Variants in EIF4EBP1 observed in about 807,000 individuals in gnomAD.
EIF4EBP1 encodes eukaryotic translation initiation factor 4E binding protein 1.
Under a neutral mutation model 9.2 loss-of-function variants are expected in EIF4EBP1, and 5 were observed. The observed-to-expected ratio is 0.54, with a 90% CI of 0.28 to 1.14. The LOEUF (loss-of-function observed/expected upper bound fraction) is 1.14, where lower values mean the gene tolerates loss of function less well. Ranked by LOEUF, EIF4EBP1 falls within the 50% of genes most tolerant of loss-of-function variation. The probability of loss-of-function intolerance (pLI) is 0.09; values close to 1 mark genes in which losing one functional copy is unlikely to be tolerated. For synonymous variants in EIF4EBP1, 62 were observed against 67.0 expected (o/e 0.93, Z 0.36); for missense variants, 139 against 169.6 (o/e 0.82, Z 1.00).
At chr8:38,039,761 CT>C (rs1477505913) in intron 1 of EIF4EBP1, among the ~76,000 whole-genome samples, 1 of 152,128 alleles carries the variant, frequency 6.6e-6, no homozygotes, top group Non-Finnish European at 1.5e-5. Flanking sequence ...TTGGGACATA[CT>C]TCATTTTAAG....
At chr8:38,042,357 C>A (rs1809393887) in intron 1 of EIF4EBP1, among the ~76,000 whole-genome samples, 1 of 152,136 alleles carries the variant, frequency 6.6e-6, no homozygotes, top group South Asian at 2.1e-4. Context: ...CCTTAAGGAG[C>A]ATGTGTGTGA....
chr8:38,032,048 G>C (rs1370361370), intron 1 of EIF4EBP1, among the ~76,000 whole-genome samples: 1 of 152,190 alleles, frequency 6.6e-6, no homozygotes, highest in Non-Finnish European at 1.5e-5. Context: ...TGTCACAATG[G>C]TCTACCAGGA....
At chr8:38,054,012 A>G (rs1251098959) in intron 1 of EIF4EBP1, among the ~76,000 whole-genome samples, 1 of 152,186 alleles carries the variant, frequency 6.6e-6, no homozygotes, top group Middle Eastern at 3.2e-3. Context: ...AAGATGGTCA[A>G]TGTTATGTGT....
At chr8:38,046,898 G>C (rs1363490890) in intron 1 of EIF4EBP1, among the ~76,000 whole-genome samples, 1 of 152,156 alleles carries the variant, frequency 6.6e-6, no homozygotes, top group Non-Finnish European at 1.5e-5. Context: ...CAACGGGCTG[G>C]ATCCCAGCTA....
chr8:38,057,445 C>A (rs1419511116), intron 2 of EIF4EBP1, among the ~76,000 whole-genome samples, 185 bp downstream of exon 2: 1 of 152,174 alleles, frequency 6.6e-6, no homozygotes, highest in African/African-American at 2.4e-5. Flanking sequence ...TCATTGGTAG[C>A]AACTTTCCCC....
chr8:38,058,145 T>C (rs987321268), intron 2 of EIF4EBP1, among the ~76,000 whole-genome samples: 1 of 152,200 alleles, frequency 6.6e-6, no homozygotes, highest in African/African-American at 2.4e-5. Flanking sequence ...CAGACAATAG[T>C]TGCCTGTGTC....
chr8:38,058,783 C>T (rs1017709333), intron 2 of EIF4EBP1, among the ~76,000 whole-genome samples: 1 of 152,132 alleles, frequency 6.6e-6, no homozygotes, highest in African/African-American at 2.4e-5. Context: ...GTCCCTGGCC[C>T]CTAAAAACAT....
At chr8:38,046,311 C>T (rs1232457022) in intron 1 of EIF4EBP1, among the ~76,000 whole-genome samples, 1 of 152,062 alleles carries the variant, frequency 6.6e-6, no homozygotes, top group Non-Finnish European at 1.5e-5. Context: ...AAACTACTGT[C>T]ACCACAAAGC....
intron 1 of EIF4EBP1, 111 bp from the exon 2 acceptor site, chr8:38,056,970 G>A: frequency 2.5e-6 from 3 of 1,202,590 alleles, no homozygotes; most frequent in Non-Finnish European, 3.6e-6. Flanking sequence ...GCCTCCTCTG[G>A]GTTTTTCAGG....
intron 1 of EIF4EBP1, among the ~76,000 whole-genome samples, chr8:38,038,665 GC>G (rs1563414842): frequency 6.6e-6 from 1 of 151,776 alleles, no homozygotes; most frequent in Admixed American, 6.6e-5. Context: ...ACCACGCCCA[GC>G]CTAGAAATTG....
chr8:38,041,673 G>T (rs551536089), intron 1 of EIF4EBP1, among the ~76,000 whole-genome samples: 3 of 152,254 alleles, frequency 2.0e-5, no homozygotes, highest in Admixed American at 2.0e-4. Context: ...CTGTTCTCAC[G>T]GCCTTATGTT....
chr8:38,034,242 C>A (rs1314442429), intron 1 of EIF4EBP1, among the ~76,000 whole-genome samples: 1 of 151,550 alleles, frequency 6.6e-6, no homozygotes, highest in African/African-American at 2.4e-5. Context: ...GAGGCAGGGT[C>A]TCTATGTATT....
chr8:38,042,306 A>G (rs1387602302), intron 1 of EIF4EBP1, among the ~76,000 whole-genome samples: 3 of 151,944 alleles, frequency 2.0e-5, no homozygotes, highest in Non-Finnish European at 4.4e-5. Context: ...CGGGCTCAGT[A>G]CTCCCTTTGG....
rs1809659106 is a variant in EIF4EBP1, at chr8:38,060,295, G to C, written c.*360G>C. On this transcript the variant is annotated 3_prime_UTR_variant, in exon 3 of 3. Coordinates refer to ENST00000338825, the MANE Select transcript of EIF4EBP1 (RefSeq NM_004095.4). The stretch of plus-strand genomic sequence containing the variant: ...AACCACCCCTTCCTTAGGTTGATGT[G>C]CTTGGGAAAGCTCCCTCCCCCTCCT... The C allele has an allele frequency of 2.9e-6, 1 of 344,854 alleles. No homozygotes were observed. The highest frequency in any genetic ancestry group is 5.4e-6 in the Non-Finnish European group (1 of 184,858). 21.4% of individuals were successfully genotyped at this position (344,854 alleles called of 1,614,324 possible).
intron 1 of EIF4EBP1, among the ~76,000 whole-genome samples, chr8:38,036,329 T>G (rs950908778): frequency 1.3e-5 from 2 of 149,468 alleles, no homozygotes; most frequent in Admixed American, 1.3e-4. Context: ...GCCAACATGG[T>G]GAAACCCCAT....
At chr8:38,056,992 C>A in intron 1 of EIF4EBP1, 89 bp from the exon 2 acceptor site, 1 of 1,394,224 alleles carries the variant, frequency 7.2e-7, no homozygotes, top group Non-Finnish European at 1.0e-6. Context: ...GAATCTGCTG[C>A]CTCTACTGCA....
intron 1 of EIF4EBP1, among the ~76,000 whole-genome samples, chr8:38,039,402 CTTT>C (rs56390718): frequency 2.0e-4 from 18 of 88,992 alleles, no homozygotes; most frequent in Admixed American, 2.7e-4. Context: ...GTACTAAATA[CTTT>C]TTTTTTTTTT....
intron 1 of EIF4EBP1, among the ~76,000 whole-genome samples, chr8:38,051,791 T>G (rs1009683126): frequency 4.6e-5 from 7 of 152,090 alleles, no homozygotes; most frequent in African/African-American, 1.7e-4. Flanking sequence ...GAGGCGGGAT[T>G]TCGCCATGTT....
chr8:38,052,896 C>T (rs1311661126), intron 1 of EIF4EBP1, among the ~76,000 whole-genome samples: 2 of 152,176 alleles, frequency 1.3e-5, no homozygotes, highest in African/African-American at 2.4e-5. Context: ...CTCACAGACC[C>T]CTCCCCAACT....
Sources: allele counts gnomAD v4.1 joint callset (sites outside exome capture counted in the v4.1 genomes callset), GRCh38; gene constraint gnomAD v4.1.1; transcripts MANE v1.5; gene names NCBI Gene and HGNC (gene_info 2026-07-23, HGNC 2026-07-21).